Variants in NPSR1 observed in about 807,000 individuals in gnomAD.
NPSR1 encodes neuropeptide S receptor.
A neutral mutation model predicts 46.9 loss-of-function variants in NPSR1; 48 were observed. That is an observed-to-expected ratio of 1.02 (90% CI 0.81 to 1.30). The LOEUF is 1.30. NPSR1 is among the 50% of genes most tolerant of loss of function. The pLI, the probability that NPSR1 is intolerant of heterozygous loss-of-function variation, is 0.00. For missense variants in NPSR1, 450 were observed against 449.5 expected, an observed-to-expected ratio of 1.00 and a Z score of -0.01; for synonymous variants, 176 against 168.1, an observed-to-expected ratio of 1.05 and a Z score of -0.36.
At chr7:34,776,026 T>C (rs758891728) in intron 2 of NPSR1, among the ~76,000 whole-genome samples, 58 of 152,272 alleles carry the variant, frequency 3.8e-4, no homozygotes, top group Middle Eastern at 6.8e-3. Context: ...TTCCATGTAT[T>C]TGTATAGTTT....
intron 4 of NPSR1, among the ~76,000 whole-genome samples, chr7:34,826,494 G>T (rs1055475972): frequency 6.6e-5 from 10 of 152,118 alleles, no homozygotes; most frequent in African/African-American, 2.4e-4. Context: ...GGGGAGCAAG[G>T]TGGCCTCTTA....
Position 34,703,371 on chromosome 7 carries a change from A to AAAATAAAT in NPSR1, c.280+18715_280+18722dup, listed in dbSNP as rs35157717. 5.9e-3 allele frequency among the ~76,000 whole-genome samples: 884 copies of AAAATAAAT among 148,638 alleles called. 3 individuals are homozygous for AAAATAAAT. Among genetic ancestry groups the AAAATAAAT allele is most frequent in the Non-Finnish European group, 6.7e-3 (451 of 67,332 alleles). On this transcript the variant is annotated intron_variant, in intron 2 of 8. Coordinates refer to ENST00000360581, the MANE Select transcript of NPSR1 (RefSeq NM_207172.2). ...GGGTGACAGAGCAAGACTCCGTCTC[A>AAAATAAAT]AAATAAATAAATAAATAAATAAATA...
chr7:34,666,164 T>C (rs578204636), intron 1 of NPSR1, among the ~76,000 whole-genome samples: 1 of 152,250 alleles, frequency 6.6e-6, no homozygotes, highest in African/African-American at 2.4e-5. Context: ...AGCCATGTTC[T>C]ATATTATTTA....
chr7:34,746,823 G>A lies in NPSR1; in HGVS notation c.281-31639G>A, dbSNP rs112403791. Among the ~76,000 whole-genome samples the A allele has an allele frequency of 1.4e-3, 215 of 152,142 alleles. 3 individuals are homozygous for A. Among genetic ancestry groups the A allele is most frequent in the African/African-American group, 4.5e-3 (187 of 41,514 alleles). On this transcript the variant is annotated intron_variant, in intron 2 of 8. Coordinates refer to ENST00000360581, the MANE Select transcript of NPSR1 (RefSeq NM_207172.2). Reference sequence around the variant, plus strand: ...AGTATGCAGGGAGGAGGAGACAAGAGCTTAAACATGGAGGCATTTCTGGCT... The same window carrying A: ...AGTATGCAGGGAGGAGGAGACAAGAACTTAAACATGGAGGCATTTCTGGCT...
Position 34,844,970 on chromosome 7 carries a change from A to G in NPSR1, c.832A>G (p.Ile278Val). 6.2e-7 allele frequency: 1 copy of G among 1,609,944 alleles called. No homozygotes were observed. The highest frequency in any genetic ancestry group is 1.1e-5 in the South Asian group (1 of 90,980). The change falls in exon 7 of 9, where the codon ATC becomes GTC. Residue 278 changes from isoleucine to valine, a missense_variant. Coordinates refer to ENST00000360581, the MANE Select transcript of NPSR1 (RefSeq NM_207172.2). ...AKIKAIKYSI[I>V]IILAFICCWS... The stretch of plus-strand genomic sequence containing the variant: ...AATCAAGGCTATCAAGTATAGCATC[A>G]TCATCATTCTTGGTAAGCAATGTCC...
chr7:34,858,335 C>T (rs1406680462), intron 8 of NPSR1, among the ~76,000 whole-genome samples: 1 of 151,578 alleles, frequency 6.6e-6, no homozygotes, highest in Non-Finnish European at 1.5e-5. Flanking sequence ...GTATTTCATA[C>T]AATGGAATAC....
At chr7:34,709,499 T>G (rs990626372) in intron 2 of NPSR1, among the ~76,000 whole-genome samples, 2 of 152,162 alleles carry the variant, frequency 1.3e-5, no homozygotes, top group Non-Finnish European at 2.9e-5. Context: ...CTTCAAATCT[T>G]TCTTCAAATG....
chr7:34,786,517 T>C (rs1234115597), intron 3 of NPSR1, among the ~76,000 whole-genome samples: 2 of 152,202 alleles, frequency 1.3e-5, no homozygotes, highest in African/African-American at 2.4e-5. Flanking sequence ...AAATCATGAA[T>C]GTTCTTAATG....
chr7:34,871,648 T>G (rs574099786), intron 8 of NPSR1: 2 of 151,838 alleles, frequency 1.3e-5, no homozygotes, highest in South Asian at 4.2e-4. Context: ...TGGGTAAACA[T>G]TCCCATTCCA....
chr7:34,848,907 C>T (rs532147154), intron 8 of NPSR1, among the ~76,000 whole-genome samples: 8 of 152,334 alleles, frequency 5.3e-5, no homozygotes, highest in Admixed American at 2.0e-4. Flanking sequence ...AATCATGACA[C>T]ATCTAGAAGA....
intron 2 of NPSR1, among the ~76,000 whole-genome samples, chr7:34,700,659 T>G (rs1793782309): frequency 6.6e-6 from 1 of 152,196 alleles, no homozygotes; most frequent in South Asian, 2.1e-4. Flanking sequence ...CAAACTCACC[T>G]CTTTGAATTC....
At chr7:34,842,806 A>G (rs1004414807) in intron 6 of NPSR1, among the ~76,000 whole-genome samples, 3 of 152,250 alleles carry the variant, frequency 2.0e-5, no homozygotes, top group South Asian at 2.1e-4. Flanking sequence ...AGAAACTTCA[A>G]TGGCCTGCGG....
chr7:34,659,707 A>G (rs1302798065), intron 1 of NPSR1, among the ~76,000 whole-genome samples: 1 of 152,202 alleles, frequency 6.6e-6, no homozygotes, highest in Non-Finnish European at 1.5e-5. Flanking sequence ...ATGCATATGC[A>G]CATACGCAGC....
intron 1 of NPSR1, among the ~76,000 whole-genome samples, chr7:34,678,284 C>A (rs1324181505): frequency 6.9e-6 from 1 of 144,072 alleles, no homozygotes; most frequent in Admixed American, 7.1e-5. Context: ...TGCAGTGGCG[C>A]CATCTCAGCT....
At chr7:34,796,992 G>A (rs556683143) in intron 3 of NPSR1, among the ~76,000 whole-genome samples, 11 of 152,288 alleles carry the variant, frequency 7.2e-5, no homozygotes, top group African/African-American at 2.6e-4. Context: ...ATTATTCAGT[G>A]CTAAAAAGAA....
At chr7:34,794,723 A>G (rs1410532803) in intron 3 of NPSR1, among the ~76,000 whole-genome samples, 1 of 152,216 alleles carries the variant, frequency 6.6e-6, no homozygotes, top group Non-Finnish European at 1.5e-5. Context: ...AAAAGCAGAC[A>G]AAAATATTGC....
chr7:34,723,001 T>G (rs1030659377), intron 2 of NPSR1, among the ~76,000 whole-genome samples: 1 of 152,146 alleles, frequency 6.6e-6, no homozygotes, highest in Admixed American at 6.5e-5. Context: ...CCAGCCAAAT[T>G]GCAAACAGAG....
intron 2 of NPSR1, among the ~76,000 whole-genome samples, chr7:34,744,084 T>TA (rs1318882259): frequency 6.6e-6 from 1 of 152,200 alleles, no homozygotes; most frequent in Non-Finnish European, 1.5e-5. Flanking sequence ...GAGAACTTGC[T>TA]AAAATCTGAA....
At chr7:34,725,254 C>T (rs1784084755) in intron 2 of NPSR1, among the ~76,000 whole-genome samples, 1 of 152,122 alleles carries the variant, frequency 6.6e-6, no homozygotes, top group Non-Finnish European at 1.5e-5. Context: ...ACTTGTAAAA[C>T]TGAAACTTAT....
Sources: gnomAD v4.1 joint callset for allele counts (sites outside exome capture counted in the v4.1 genomes callset) on GRCh38, gnomAD v4.1.1 for gene constraint, MANE v1.5 for transcripts, NCBI Gene and HGNC (gene_info 2026-07-23, HGNC 2026-07-21) for gene names.